WIPF2: variants seen among roughly 807,000 people sequenced by gnomAD.
WIPF2 encodes WAS/WASL-interacting protein family member 2.
Under a neutral mutation model 38.8 loss-of-function variants are expected in WIPF2, and 23 were observed. That is an observed-to-expected ratio of 0.59 (90% CI 0.43 to 0.84). WIPF2 has a LOEUF of 0.84. WIPF2 is among the 40% of genes least tolerant of loss of function. The pLI is 0.00. For missense variants in WIPF2, 574 were observed against 580.5 expected, an observed-to-expected ratio of 0.99 and a Z score of 0.11; for synonymous variants, 210 against 223.2, an observed-to-expected ratio of 0.94 and a Z score of 0.53.
intron 5 of WIPF2, among the ~76,000 whole-genome samples, chr17:40,268,504 T>C (rs1410626525): frequency 2.0e-5 from 3 of 152,192 alleles, no homozygotes. Flanking sequence ...CACTTTTAAA[T>C]GTCTGCAGGC....
At chr17:40,270,365 CAAA>C (rs574916961) in intron 5 of WIPF2, among the ~76,000 whole-genome samples, 3 of 68,344 alleles carry the variant, frequency 4.4e-5, no homozygotes, top group Non-Finnish European at 3.0e-5. Context: ...GACTCCGTCT[CAAA>C]AAAAAAAAAA....
rs141277906 is a variant in WIPF2 at position 40,251,194 on chromosome 17, G to A, written c.-69-5197G>A. On this transcript the variant is annotated intron_variant, in intron 1 of 7. Coordinates refer to ENST00000323571, the MANE Select transcript of WIPF2 (RefSeq NM_133264.5). ...CTCCCAAAGTGCTGGGATTACAGGC[G>A]TGAGCCACTGCGTCCAGCCTATTAG... 3.1e-3 allele frequency among the ~76,000 whole-genome samples: 478 copies of A among 152,218 alleles called. 4 individuals carry two copies. The highest frequency in any genetic ancestry group is 0.011 in the African/African-American group (454 of 41,546).
chr17:40,264,290 C>T (rs1372939978), intron 4 of WIPF2, among the ~76,000 whole-genome samples, 200 bp from the exon 5 acceptor site: 1 of 129,652 alleles, frequency 7.7e-6, no homozygotes, highest in Non-Finnish European at 1.6e-5. Context: ...TGCACCATTG[C>T]ACTCCAGCCT....
At chr17:40,251,674 A>G (rs2031566508) in intron 1 of WIPF2, among the ~76,000 whole-genome samples, 1 of 152,236 alleles carries the variant, frequency 6.6e-6, no homozygotes, top group Non-Finnish European at 1.5e-5. Flanking sequence ...GGAGACCTGG[A>G]TATGAGGCCT....
intron 1 of WIPF2, among the ~76,000 whole-genome samples, chr17:40,252,394 T>G (rs975107067): frequency 6.6e-6 from 1 of 152,184 alleles, no homozygotes; most frequent in Non-Finnish European, 1.5e-5. Flanking sequence ...CCGGGCATGG[T>G]GGCTCACCCC....
intron 5 of WIPF2, among the ~76,000 whole-genome samples, chr17:40,268,071 C>G (rs2032145431): frequency 6.6e-6 from 1 of 152,110 alleles, no homozygotes; most frequent in African/African-American, 2.4e-5. Flanking sequence ...CCACTTGAGC[C>G]TGGGAGGTGG....
intron 5 of WIPF2, among the ~76,000 whole-genome samples, chr17:40,267,582 C>G (rs2032128545): frequency 6.6e-6 from 1 of 152,166 alleles, no homozygotes; most frequent in South Asian, 2.1e-4. Context: ...CTCTTTCGCC[C>G]AGGCTGGAGT....
chr17:40,275,428 G>C (rs760897397), intron 6 of WIPF2, among the ~76,000 whole-genome samples: 5 of 151,942 alleles, frequency 3.3e-5, no homozygotes, highest in African/African-American at 1.2e-4. Flanking sequence ...ATGTTGGGGG[G>C]GCTCTACCTA....
intron 1 of WIPF2, among the ~76,000 whole-genome samples, chr17:40,255,786 A>T (rs1448930122): frequency 6.7e-6 from 1 of 150,084 alleles, no homozygotes; most frequent in Non-Finnish European, 1.5e-5. Flanking sequence ...CCACCACCAC[A>T]CCGCTACTTT....
intron 5 of WIPF2, 34 bp from the exon 6 acceptor site, chr17:40,273,756 A>G (rs771967093): frequency 1.7e-5 from 25 of 1,445,030 alleles, no homozygotes; most frequent in Non-Finnish European, 2.3e-5. Flanking sequence ...CCGTCTCCAC[A>G]TCCAAACCTA....
chr17:40,256,119 AG>A (rs765324166), intron 1 of WIPF2, among the ~76,000 whole-genome samples: 53 of 147,968 alleles, frequency 3.6e-4, no homozygotes, highest in Non-Finnish European at 2.1e-4. Flanking sequence ...AAAAAAAAAA[AG>A]GACACAAGGC....
In WIPF2 at chr17:40,281,539, A is replaced by G. The variant is rs1242359510; in HGVS notation, c.*3314A>G. ...GCTGATGGATGTGAGGCTGCTGTCT[A>G]CAGGAGCTCATCCCAGCCCTGTTAA... On this transcript the variant is annotated 3_prime_UTR_variant, in exon 8 of 8. Coordinates refer to ENST00000323571, the MANE Select transcript of WIPF2 (RefSeq NM_133264.5). 2 of 152,356 alleles carry G rather than the reference A, an allele frequency of 1.3e-5. No individual in the cohort carries two copies. Among genetic ancestry groups the G allele is most frequent in the African/African-American group, 4.8e-5 (2 of 41,452 alleles). The allele number at this position is 152,356 out of a possible 1,614,324, so 9.4% of individuals were successfully genotyped here.
At chr17:40,268,849 C>G (rs976005577) in intron 5 of WIPF2, among the ~76,000 whole-genome samples, 1 of 152,136 alleles carries the variant, frequency 6.6e-6, no homozygotes, top group Non-Finnish European at 1.5e-5. Context: ...ATTCTCTTTT[C>G]TCACCGATTC....
chr17:40,257,356 C>T (rs2031759660), intron 2 of WIPF2, among the ~76,000 whole-genome samples: 1 of 152,056 alleles, frequency 6.6e-6, no homozygotes, highest in Non-Finnish European at 1.5e-5. Flanking sequence ...AAGCCAAGTC[C>T]ATCAAGTTGA....
At chr17:40,264,326 CAAAAAAAAAAAAAAAA>C (rs772320240) in intron 4 of WIPF2, among the ~76,000 whole-genome samples, 148 bp from the exon 5 acceptor site, 3 of 23,966 alleles carry the variant, frequency 1.3e-4, no homozygotes, top group East Asian at 1.6e-3. Flanking sequence ...AACTTCGTCT[CAAAAAAAAAAAAAAAA>C]AAAAAAAAAA....
intron 1 of WIPF2, among the ~76,000 whole-genome samples, chr17:40,233,540 C>A (rs2030835501): frequency 6.6e-6 from 1 of 151,306 alleles, no homozygotes; most frequent in Non-Finnish European, 1.5e-5. Context: ...TCCAGGATGG[C>A]ATTGAACTCT....
At chr17:40,264,442 C>T (rs368397605) in intron 4 of WIPF2, 48 bp from the exon 5 acceptor site, 199 of 1,584,118 alleles carry the variant, frequency 1.3e-4, no homozygotes, top group Middle Eastern at 1.7e-4. Context: ...GGATACTGAC[C>T]AATATCTGTC....
rs1379357764 is a variant in WIPF2 at position 40,280,210 on chromosome 17, T to G, written c.*1985T>G. On this transcript the variant is annotated 3_prime_UTR_variant, in exon 8 of 8. Coordinates refer to ENST00000323571, the MANE Select transcript of WIPF2 (RefSeq NM_133264.5). ...ACTGCCGGGCGCTGTGGCTTATGCC[T>G]GTAATCTCAGCAATTTGGGAGGCCG... is the stretch of plus-strand genomic sequence containing the variant. 1 of 152,282 alleles carries G rather than the reference T, an allele frequency of 6.6e-6. No individual in the cohort carries two copies. The highest frequency in any genetic ancestry group is 6.5e-5 in the Admixed American group (1 of 15,272). 9.4% of individuals were successfully genotyped at this position (152,282 alleles called of 1,614,324 possible). A position where few individuals can be genotyped will look rare whatever the true frequency, so the allele number is the denominator to read the frequency against.
rs2032607119 is a variant in WIPF2, at chr17:40,283,968, A to T, written c.*5743A>T. On this transcript the variant is annotated 3_prime_UTR_variant, in exon 8 of 8. Transcript: ENST00000323571. ...TTCATAATGGGTGTGTGTATGAATC[A>T]CTCTCACATAATTTAGATATAAAAA... 3.9e-5 allele frequency: 6 copies of T among 152,054 alleles called. No homozygotes were observed. Among genetic ancestry groups the T allele is most frequent in the Admixed American group, 3.9e-4 (6 of 15,248 alleles). The allele number at this position is 152,054 out of a possible 1,614,324, so 9.4% of individuals were successfully genotyped here. A position where few individuals can be genotyped will look rare whatever the true frequency, so the allele number is the denominator to read the frequency against.
Sources: gnomAD v4.1 joint callset for allele counts (sites outside exome capture counted in the v4.1 genomes callset) on GRCh38, gnomAD v4.1.1 for gene constraint, MANE v1.5 for transcripts, NCBI Gene and HGNC (gene_info 2026-07-23, HGNC 2026-07-21) for gene names.